MOB4: variants seen among roughly 807,000 people sequenced by gnomAD.
The protein encoded by MOB4 is MOB family member 4, phocein.
Under a neutral mutation model 32.2 loss-of-function variants are expected in MOB4, and 4 were observed. The observed-to-expected ratio is 0.12, with a 90% CI of 0.06 to 0.28. The LOEUF (loss-of-function observed/expected upper bound fraction) is 0.28. MOB4 is among the 10% of genes least tolerant of loss of function. MOB4 has a pLI of 1.00. For missense variants in MOB4, 158 were observed against 271.2 expected (o/e 0.58, Z 2.93); for synonymous variants, 88 against 88.1 (o/e 1.00, Z 0.01).
At chr2:197,534,060 A>G (rs2086755515) in intron 2 of MOB4, 5 of 423,822 alleles carry the variant, frequency 1.2e-5, no homozygotes, top group African/African-American at 2.0e-5. Flanking sequence ...CATCATCTGG[A>G]CAGTTGTACA....
intron 2 of MOB4, among the ~76,000 whole-genome samples, chr2:197,524,119 C>T (rs2086567623): frequency 6.6e-6 from 1 of 152,140 alleles, no homozygotes; most frequent in African/African-American, 2.4e-5. Context: ...CACCTGTAGT[C>T]CCAGTAGCTA....
chr2:197,524,915 C>T (rs1178169015), intron 2 of MOB4, among the ~76,000 whole-genome samples: 8 of 152,070 alleles, frequency 5.3e-5, no homozygotes, highest in Non-Finnish European at 7.4e-5. Context: ...GGACTATAGG[C>T]GCACACTGCC....
chr2:197,525,772 A>AT (rs2086602692), intron 2 of MOB4, among the ~76,000 whole-genome samples: 1 of 152,048 alleles, frequency 6.6e-6, no homozygotes, highest in Non-Finnish European at 1.5e-5. Context: ...GCTTCTCACG[A>AT]TATAGCTAGC....
In MOB4 at chr2:197,550,693, A is replaced by C. The variant is rs1274535654; in HGVS notation, c.*47A>C. 6.5e-7 allele frequency: 1 copy of C among 1,537,630 alleles called. No homozygotes were observed. Among genetic ancestry groups the C allele is most frequent in the Non-Finnish European group, 8.7e-7 (1 of 1,149,016 alleles). ...ACTGATCATATAATTAACATTATGT[A>C]CTGTATATATCATTTTAGACACATC... On this transcript the variant is annotated 3_prime_UTR_variant, in exon 8 of 8. Coordinates refer to ENST00000323303, the MANE Select transcript of MOB4 (RefSeq NM_015387.5).
chr2:197,531,419 C>T (rs1392425300), intron 2 of MOB4, among the ~76,000 whole-genome samples: 1 of 152,124 alleles, frequency 6.6e-6, no homozygotes, highest in Non-Finnish European at 1.5e-5. Context: ...ACCACCGTGT[C>T]CAGAACTTTT....
At chr2:197,526,680 G>C (rs1026918652) in intron 2 of MOB4, among the ~76,000 whole-genome samples, 1 of 152,048 alleles carries the variant, frequency 6.6e-6, no homozygotes, top group East Asian at 1.9e-4. Flanking sequence ...TTAGGCCCAG[G>C]GTTTTCTTTG....
chr2:197,548,995 G>A lies in MOB4; in HGVS notation c.434+580G>A, dbSNP rs547525944. ...TGTAATCCCAGCACTTTGGGAGGCCGAGGCGTGCGGATCACCTGAGATTGG... is the reference window on the plus strand; with the variant it reads ...TGTAATCCCAGCACTTTGGGAGGCCAAGGCGTGCGGATCACCTGAGATTGG... On this transcript the variant is annotated intron_variant, in intron 6 of 7. Coordinates refer to ENST00000323303, the MANE Select transcript of MOB4 (RefSeq NM_015387.5). 7.9e-5 allele frequency among the ~76,000 whole-genome samples: 12 copies of A among 152,152 alleles called. No homozygotes were observed. The South Asian group carries it at 1.0e-3, about 13-fold the overall frequency.
chr2:197,548,617 A>G (rs2087039653), intron 6 of MOB4, among the ~76,000 whole-genome samples: 1 of 152,218 alleles, frequency 6.6e-6, no homozygotes, highest in Non-Finnish European at 1.5e-5. Flanking sequence ...TAAAACTTAA[A>G]GTATAAATAA....
At chr2:197,529,721 C>T (rs1246445349) in intron 2 of MOB4, among the ~76,000 whole-genome samples, 1 of 151,508 alleles carries the variant, frequency 6.6e-6, no homozygotes, top group African/African-American at 2.4e-5. Context: ...GTGGTGCAAT[C>T]TCGTCTCACT....
At chr2:197,527,475 T>C (rs2086629556) in intron 2 of MOB4, among the ~76,000 whole-genome samples, 2 of 152,386 alleles carry the variant, frequency 1.3e-5, no homozygotes, top group Admixed American at 6.5e-5. Context: ...AACTGATTTT[T>C]ATGTGTTCAT....
chr2:197,516,027 C>G (rs896071236), upstream of MOB4: 8 of 1,522,246 alleles, frequency 5.3e-6, no homozygotes, highest in African/African-American at 7.0e-5. Flanking sequence ...GCCCCGCCCC[C>G]CGCGCAGGCT....
chr2:197,535,899 CTT>C (rs1319135434), intron 3 of MOB4, among the ~76,000 whole-genome samples: 7 of 129,236 alleles, frequency 5.4e-5, no homozygotes, highest in Non-Finnish European at 8.4e-5. Flanking sequence ...CTTTTCTTTT[CTT>C]TTTTTTTTTT....
intron 5 of MOB4, among the ~76,000 whole-genome samples, chr2:197,541,935 A>AAAAAAT (rs1375775051): frequency 4.5e-5 from 3 of 67,100 alleles, no homozygotes; most frequent in Non-Finnish European, 1.6e-4. Flanking sequence ...AATAAAAAAT[A>AAAAAAT]AAAAAAATAA....
At chr2:197,526,523 G>GGCCAGGCCGGTCTTGAAC (rs1362019185) in intron 2 of MOB4, among the ~76,000 whole-genome samples, 3 of 152,080 alleles carry the variant, frequency 2.0e-5, no homozygotes, top group African/African-American at 7.2e-5. Context: ...TCACCATCTT[G>GGCCAGGCCGGTCTTGAAC]GCCAGGCCGG....
intron 5 of MOB4, among the ~76,000 whole-genome samples, chr2:197,546,863 C>T (rs1044974263): frequency 6.6e-6 from 1 of 152,166 alleles, no homozygotes; most frequent in South Asian, 2.1e-4. Flanking sequence ...GGAAGCCTTA[C>T]CGATAACAGT....
At position 197,553,426 on chromosome 2, in the gene MOB4, C is replaced by G. The variant is rs749575966; in HGVS notation, c.*2780C>G. On this transcript the variant is annotated 3_prime_UTR_variant, in exon 8 of 8. Coordinates refer to ENST00000323303, the MANE Select transcript of MOB4 (RefSeq NM_015387.5). ...AAACTCCGTCTCAAAAACTCCGTCT[C>G]AAAAAAAAAAAATCCTTGATTACAT... The G allele has an allele frequency of 2.2e-5, 3 of 139,106 alleles. No homozygotes were observed. The highest frequency in any genetic ancestry group is 4.7e-5 in the Non-Finnish European group (3 of 63,718). 8.6% of individuals were successfully genotyped at this position (139,106 alleles called of 1,614,324 possible).
At chr2:197,543,600 A>G (rs1337146078) in intron 5 of MOB4, among the ~76,000 whole-genome samples, 1 of 152,246 alleles carries the variant, frequency 6.6e-6, no homozygotes, top group Non-Finnish European at 1.5e-5. Flanking sequence ...GGAGTGAAAC[A>G]AGTCAGATGC....
At chr2:197,537,872 T>C (rs2086829406) in intron 3 of MOB4, among the ~76,000 whole-genome samples, 1 of 150,794 alleles carries the variant, frequency 6.6e-6, no homozygotes, top group South Asian at 2.1e-4. Flanking sequence ...CTCCGCCACA[T>C]GGGTTCAAGC....
chr2:197,540,048 A>G, intron 3 of MOB4, 63 bp from the exon 4 acceptor site: 1 of 1,526,244 alleles, frequency 6.6e-7, no homozygotes. Flanking sequence ...TTTTGCAGCT[A>G]ATATTCTAAA....
Sources: allele counts gnomAD v4.1 joint callset (sites outside exome capture counted in the v4.1 genomes callset), GRCh38; gene constraint gnomAD v4.1.1; transcripts MANE v1.5; gene names NCBI Gene and HGNC (gene_info 2026-07-23, HGNC 2026-07-21).